Variants in ZNF462 observed in about 807,000 individuals in gnomAD.
The protein encoded by ZNF462 is zinc finger PBX1-interacting protein.
Under a neutral mutation model 201.9 loss-of-function variants are expected in ZNF462, and 10 were observed. The ratio of observed to expected loss-of-function variants is 0.05; its 90% CI spans 0.03 to 0.08. The LOEUF (loss-of-function observed/expected upper bound fraction) is 0.08, where lower values mean the gene tolerates loss of function less well. Among genes scored for constraint, ZNF462 ranks in the 10% least tolerant of loss-of-function variants. The pLI is 1.00. For missense variants in ZNF462, 2,523 were observed against 3,168.3 expected (o/e 0.80, Z 4.89); for synonymous variants, 1,227 against 1,193.3 (o/e 1.03, Z -0.58).
chr9:106,964,196 T>C (rs1831971015), intron 7 of ZNF462, among the ~76,000 whole-genome samples: 1 of 152,050 alleles, frequency 6.6e-6, no homozygotes, highest in Non-Finnish European at 1.5e-5. Flanking sequence ...AGTAGTGGGA[T>C]TGCTTGATCA....
chr9:107,001,181 G>T (rs909704275), intron 10 of ZNF462, among the ~76,000 whole-genome samples: 4 of 152,118 alleles, frequency 2.6e-5, no homozygotes, highest in Non-Finnish European at 2.9e-5. Context: ...CTTCAAATAT[G>T]TTTAAAAATT....
At chr9:106,908,941 ATTTTTTTTTTTTTTTTT>A (rs1163695505) in intron 1 of ZNF462, among the ~76,000 whole-genome samples, 3 of 25,346 alleles carry the variant, frequency 1.2e-4, no homozygotes, top group African/African-American at 5.4e-4. Context: ...ATATATATAT[ATTTTTTTTTTTTTTTTT>A]TTTTTTTTTT....
At chr9:106,982,689 G>A (rs924698167) in intron 9 of ZNF462, among the ~76,000 whole-genome samples, 3 of 152,166 alleles carry the variant, frequency 2.0e-5, no homozygotes, top group Non-Finnish European at 4.4e-5. Flanking sequence ...GCTCCAGGGG[G>A]TATGTTGCAG....
At position 106,920,318 on chromosome 9, in the gene ZNF462, T is replaced by C. The variant is rs1009248471; in HGVS notation, c.-30-3036T>C. Among the ~76,000 whole-genome samples, 9 of 152,210 alleles carry C rather than the reference T, an allele frequency of 5.9e-5. 1 individual carries two copies. The highest frequency in any genetic ancestry group is 5.9e-4 in the Admixed American group (9 of 15,278). On this transcript the variant is annotated intron_variant, in intron 1 of 12. Coordinates refer to ENST00000277225, the MANE Select transcript of ZNF462 (RefSeq NM_021224.6). The surrounding 1 kb of genome is among the most constrained non-coding windows in gnomAD (Gnocchi z 4.3). Reference sequence around the variant, plus strand: ...GCCCATGTACCATCTCATAAACATATCAAGTTTCTCTCTCTTTGATTGGGC... The same window carrying C: ...GCCCATGTACCATCTCATAAACATACCAAGTTTCTCTCTCTTTGATTGGGC...
At chr9:106,996,805 T>A (rs1038441660) in intron 10 of ZNF462, among the ~76,000 whole-genome samples, 9 of 152,184 alleles carry the variant, frequency 5.9e-5, no homozygotes, top group Non-Finnish European at 1.0e-4. Flanking sequence ...TACCTTATGA[T>A]CTCTCATGGG....
intron 1 of ZNF462, among the ~76,000 whole-genome samples, chr9:106,894,088 A>G (rs115636915): frequency 0.013 from 1,912 of 152,358 alleles, 43 homozygotes; most frequent in African/African-American, 0.043. Flanking sequence ...TACACTTTCT[A>G]CAGTGAGGAA....
rs1831295388 is a variant in ZNF462 at position 106,950,512 on chromosome 9, A to G, written c.6427+11405A>G. On this transcript the variant is annotated intron_variant, in intron 7 of 12. Transcript: ENST00000277225. This position sits in a 1 kb window ranked among gnomAD's most constrained non-coding sequence, Gnocchi z 4.1. ...TGGGTAAGTTTTTAATTAGGGATAC[A>G]GAGAAGGAAAGATGAGGAAATTCAC... is the stretch of plus-strand genomic sequence containing the variant. Among the ~76,000 whole-genome samples the G allele has an allele frequency of 6.6e-6, 1 of 152,242 alleles. No individual in the cohort carries two copies. The highest frequency in any genetic ancestry group is 2.4e-5 in the African/African-American group (1 of 41,474).
rs1247169177 is a variant in ZNF462, at chr9:106,966,974, T to C, written c.6428-5031T>C. Among the ~76,000 whole-genome samples, 1 of 152,110 alleles carries C rather than the reference T, an allele frequency of 6.6e-6. No individual in the cohort carries two copies. ...TGCAGAAAATTGAGAATTGATCCTC[T>C]GGTATAGCTTCCTCTTTGTATCACT... On this transcript the variant is annotated intron_variant, in intron 7 of 12. Transcript: ENST00000277225. The surrounding 1 kb of genome is among the most constrained non-coding windows in gnomAD (Gnocchi z 4.4).
Position 106,902,451 on chromosome 9 carries a change from G to T in ZNF462, c.-30-20903G>T, listed in dbSNP as rs1487094555. The stretch of plus-strand genomic sequence containing the variant: ...TGGATTCATAGAATGAATTAGGGAG[G>T]GTTCTCTCTCTCTCTCTGTCTTGTG... On this transcript the variant is annotated intron_variant, in intron 1 of 12. Coordinates refer to ENST00000277225, the MANE Select transcript of ZNF462 (RefSeq NM_021224.6). The surrounding 1 kb of genome is among the most constrained non-coding windows in gnomAD (Gnocchi z 4.2). Among the ~76,000 whole-genome samples, 1 of 151,722 alleles carries T rather than the reference G, an allele frequency of 6.6e-6. No homozygotes were observed. The highest frequency in any genetic ancestry group is 6.6e-5 in the Admixed American group (1 of 15,242).
rs1829483206 is a variant in ZNF462 at position 107,005,518 on chromosome 9, A to C, written c.7189+2092A>C. On this transcript the variant is annotated intron_variant, in intron 11 of 12. Transcript: ENST00000277225. The surrounding 1 kb of genome is among the most constrained non-coding windows in gnomAD (Gnocchi z 4.4). ...GCCATTTGTATGTCTTCTTTTGAGA[A>C]ATGTCTACTCAGATAGATGATTTTC... is the stretch of plus-strand genomic sequence containing the variant. Among the ~76,000 whole-genome samples, 1 of 152,138 alleles carries C rather than the reference A, an allele frequency of 6.6e-6. No homozygotes were observed. The highest frequency in any genetic ancestry group is 1.5e-5 in the Non-Finnish European group (1 of 68,006).
At chr9:106,875,162 C>T (rs370238708) in intron 1 of ZNF462, among the ~76,000 whole-genome samples, 1 of 152,188 alleles carries the variant, frequency 6.6e-6, no homozygotes, top group Non-Finnish European at 1.5e-5. Flanking sequence ...CCTGTTCTTT[C>T]TTCCCCTCTT....
intron 10 of ZNF462, among the ~76,000 whole-genome samples, chr9:106,986,944 A>G (rs2132312419): frequency 6.6e-6 from 1 of 152,146 alleles, no homozygotes; most frequent in Non-Finnish European, 1.5e-5. Flanking sequence ...TGCCATTAAT[A>G]CATTCCTTTT....
At chr9:106,897,037 A>C (rs1338039188) in intron 1 of ZNF462, among the ~76,000 whole-genome samples, 2 of 152,212 alleles carry the variant, frequency 1.3e-5, no homozygotes, top group Admixed American at 1.3e-4. Context: ...ATTTCTCTGA[A>C]AACATTTAAA....
At chr9:106,973,139 A>G (rs1162382076) in intron 8 of ZNF462, among the ~76,000 whole-genome samples, 1 of 152,208 alleles carries the variant, frequency 6.6e-6, no homozygotes, top group Non-Finnish European at 1.5e-5. Context: ...GCAAACACTA[A>G]TAAGTGTAAT....
chr9:106,873,807 A>G (rs909891185), intron 1 of ZNF462, among the ~76,000 whole-genome samples: 8 of 152,198 alleles, frequency 5.3e-5, no homozygotes, highest in African/African-American at 1.9e-4. Context: ...AGATATCCCT[A>G]CGGTATCCGA....
Position 106,879,620 on chromosome 9 carries a change from G to C in ZNF462, c.-31+16265G>C, listed in dbSNP as rs148732121. On this transcript the variant is annotated intron_variant, in intron 1 of 12. Transcript: ENST00000277225. ...TGTATGTCCCTTTGTGCTCAGATTT[G>C]AGACCGGCCATCCATTCAAAGCCTG... 1.9e-4 allele frequency among the ~76,000 whole-genome samples: 29 copies of C among 152,162 alleles called. No individual in the cohort carries two copies. In the East Asian group the frequency reaches 5.0e-3, roughly 26 times the overall value.
rs770163106 is a variant in ZNF462, at chr9:106,917,153, C to T, written c.-30-6201C>T. Reference sequence around the variant, plus strand: ...AGACACTTACTACCTGCTTTCATAACAGGTCACTCAGCCGGAATGACTTCT... The same window carrying T: ...AGACACTTACTACCTGCTTTCATAATAGGTCACTCAGCCGGAATGACTTCT... On this transcript the variant is annotated intron_variant, in intron 1 of 12. Transcript: ENST00000277225. This position sits in a 1 kb window ranked among gnomAD's most constrained non-coding sequence, Gnocchi z 4.5. Among the ~76,000 whole-genome samples, 12 of 152,230 alleles carry T rather than the reference C, an allele frequency of 7.9e-5. No individual in the cohort carries two copies. The highest frequency in any genetic ancestry group is 1.8e-4 in the Non-Finnish European group (12 of 68,046).
intron 6 of ZNF462, among the ~76,000 whole-genome samples, chr9:106,937,958 G>A (rs545123227): frequency 1.3e-5 from 2 of 152,100 alleles, no homozygotes; most frequent in Non-Finnish European, 2.9e-5. Flanking sequence ...TTGGAAACAT[G>A]AGCATTTCTA....
chr9:106,987,649 A>G (rs999190996), intron 10 of ZNF462, among the ~76,000 whole-genome samples: 1 of 152,184 alleles, frequency 6.6e-6, no homozygotes, highest in Non-Finnish European at 1.5e-5. Flanking sequence ...TCTGCCATGC[A>G]AAAGCTCTTT....
Sources: allele counts gnomAD v4.1 joint callset (sites outside exome capture counted in the v4.1 genomes callset), GRCh38; gene constraint gnomAD v4.1.1; non-coding constraint Gnocchi (gnomAD v3.1); transcripts MANE v1.5; gene names NCBI Gene and HGNC (gene_info 2026-07-23, HGNC 2026-07-21).